Variants in TRUB1 observed in about 807,000 individuals in gnomAD.
TRUB1 encodes the protein pseudouridylate synthase TRUB1.
Under a neutral mutation model 33.9 loss-of-function variants are expected in TRUB1, and 23 were observed. That is an observed-to-expected ratio of 0.68 (90% CI 0.49 to 0.96). TRUB1 has a LOEUF of 0.96. TRUB1 is among the 40% of genes least tolerant of loss of function. TRUB1 has a pLI of 0.00. For missense variants in TRUB1, 378 were observed against 422.2 expected (o/e 0.90, Z 0.92); for synonymous variants, 163 against 165.4 (o/e 0.99, Z 0.11).
At position 114,951,128 on chromosome 10, in the gene TRUB1, C is replaced by T; in HGVS notation, c.420C>T (p.Thr140=). 1.9e-6 allele frequency: 3 copies of T among 1,612,270 alleles called. No homozygotes were observed. Among genetic ancestry groups the T allele is most frequent in the Non-Finnish European group, 2.5e-6 (3 of 1,178,978 alleles). Residue 140 remains threonine (T), a synonymous_variant, in exon 3 of 8, where the codon ACC becomes ACT. Transcript: ENST00000298746. ...TTGGAAGCGGAACAAAAATGTTGAC[C>T]AGTATGTTGTCAGGGTCCAAGGTAA... is the stretch of plus-strand genomic sequence containing the variant. ...VGIGSGTKML[T]SMLSGSKRYT... is the part of the protein sequence containing the mutation.
In TRUB1 at chr10:114,960,167, A is replaced by T. The variant is rs180951483; in HGVS notation, c.523+360A>T. 3.0e-4 allele frequency among the ~76,000 whole-genome samples: 45 copies of T among 152,246 alleles called. No homozygotes were observed. The East Asian group carries it at 6.4e-3, about 22-fold the overall frequency. The stretch of plus-strand genomic sequence containing the variant: ...TTCATCTGTCTTGCCATTAAAAAAA[A>T]ATATATTACCTGTCAGCTGTTGAAA... On this transcript the variant is annotated intron_variant, in intron 4 of 7. Transcript: ENST00000298746.
intron 3 of TRUB1, among the ~76,000 whole-genome samples, chr10:114,952,638 T>C (rs2084242297): frequency 6.6e-6 from 1 of 152,220 alleles, no homozygotes; most frequent in Non-Finnish European, 1.5e-5. Context: ...TGCCATTCAA[T>C]TGGAAGGAAT....
chr10:114,959,975 A>G (rs2084278470), intron 4 of TRUB1, 168 bp downstream of exon 4: 1 of 558,012 alleles, frequency 1.8e-6, no homozygotes, highest in East Asian at 3.0e-5. Flanking sequence ...CTTACTTGAT[A>G]GGAGTTTTTG....
intron 2 of TRUB1, among the ~76,000 whole-genome samples, chr10:114,949,460 T>C (rs922104972): frequency 1.3e-5 from 2 of 152,132 alleles, no homozygotes; most frequent in Non-Finnish European, 2.9e-5. Context: ...ATGAGTGTCA[T>C]AGAGGTTTTG....
chr10:114,944,675 TAAAC>T (rs930095260), intron 2 of TRUB1, among the ~76,000 whole-genome samples: 10 of 151,422 alleles, frequency 6.6e-5, no homozygotes, highest in East Asian at 3.9e-4. Flanking sequence ...AATAAATAAA[TAAAC>T]AAACATAAAA....
At position 114,951,215 on chromosome 10, in the gene TRUB1, T is replaced by C. The variant is rs1424431429; in HGVS notation, c.441+66T>C. The C allele has an allele frequency of 3.8e-6, 5 of 1,310,366 alleles. No individual in the cohort carries two copies. The East Asian group carries it at 9.4e-5, about 25-fold the overall frequency. 81.2% of individuals were successfully genotyped at this position (1,310,366 alleles called of 1,614,324 possible). A position where few individuals can be genotyped will look rare whatever the true frequency, so the allele number is the denominator to read the frequency against. On this transcript the variant is annotated intron_variant, in intron 3 of 7. Coordinates refer to ENST00000298746, the MANE Select transcript of TRUB1 (RefSeq NM_139169.5). Reference sequence around the variant, plus strand: ...TAATGATCTACATGTATTGGGTTTTTATCAAATAAAAAATAAACTGAGTAA... The same window carrying C: ...TAATGATCTACATGTATTGGGTTTTCATCAAATAAAAAATAAACTGAGTAA...
intron 1 of TRUB1, 68 bp from the exon 2 acceptor site, chr10:114,942,577 C>G: frequency 9.2e-7 from 1 of 1,083,522 alleles, no homozygotes; most frequent in Non-Finnish European, 1.4e-6. Context: ...CTTTTCCTCC[C>G]AAGTTTATGA....
chr10:114,960,825 G>A (rs997192628), intron 4 of TRUB1, among the ~76,000 whole-genome samples: 1 of 152,000 alleles, frequency 6.6e-6, no homozygotes, highest in African/African-American at 2.4e-5. Flanking sequence ...GATTAAGGAG[G>A]CATAGGGCAA....
chr10:114,972,070 C>G, intron 5 of TRUB1, 65 bp from the exon 6 acceptor site: 1 of 1,562,842 alleles, frequency 6.4e-7, no homozygotes, highest in Non-Finnish European at 8.7e-7. Context: ...ATCTCCCAAT[C>G]CTTCCAAATC....
intron 1 of TRUB1, among the ~76,000 whole-genome samples, chr10:114,941,834 G>C (rs2084188289): frequency 6.6e-6 from 1 of 151,940 alleles, no homozygotes. Context: ...GCCCAGGCTA[G>C]AGTGCAGTGG....
intron 1 of TRUB1, among the ~76,000 whole-genome samples, chr10:114,940,154 T>C (rs2084179933): frequency 6.6e-6 from 1 of 152,162 alleles, no homozygotes; most frequent in Non-Finnish European, 1.5e-5. Flanking sequence ...GGAGTTTCGC[T>C]GTTGTTGCCC....
intron 1 of TRUB1, among the ~76,000 whole-genome samples, chr10:114,940,382 A>G (rs2084181168): frequency 6.6e-6 from 1 of 152,156 alleles, no homozygotes; most frequent in Admixed American, 6.5e-5. Flanking sequence ...CAGCCTCCCA[A>G]AATGCTGGGA....
intron 4 of TRUB1, among the ~76,000 whole-genome samples, chr10:114,962,835 T>C (rs1055405629): frequency 1.3e-5 from 2 of 152,178 alleles, no homozygotes; most frequent in Non-Finnish European, 2.9e-5. Flanking sequence ...CAGAATGACA[T>C]ATATGACATA....
intron 3 of TRUB1, among the ~76,000 whole-genome samples, chr10:114,953,090 C>T (rs570746182): frequency 6.6e-6 from 1 of 152,232 alleles, no homozygotes; most frequent in East Asian, 1.9e-4. Context: ...ACCACAAACA[C>T]AGCACACTAT....
intron 1 of TRUB1, among the ~76,000 whole-genome samples, chr10:114,942,159 A>T (rs533122654): frequency 2.6e-5 from 4 of 152,292 alleles, no homozygotes; most frequent in African/African-American, 9.6e-5. Flanking sequence ...TTGGGAATTT[A>T]GTGTATTTAG....
chr10:114,958,225 T>C (rs1368369972), intron 3 of TRUB1, among the ~76,000 whole-genome samples: 1 of 152,234 alleles, frequency 6.6e-6, no homozygotes, highest in Non-Finnish European at 1.5e-5. Context: ...GTATGCTTAG[T>C]CGAGGTTGAT....
intron 3 of TRUB1, among the ~76,000 whole-genome samples, chr10:114,952,281 T>G (rs1480268760): frequency 6.6e-6 from 1 of 152,092 alleles, no homozygotes; most frequent in Non-Finnish European, 1.5e-5. Context: ...CTGTTAAAAA[T>G]ACCAAAAAAA....
chr10:114,973,360 G>A (rs538562974), intron 6 of TRUB1, among the ~76,000 whole-genome samples: 4 of 152,190 alleles, frequency 2.6e-5, no homozygotes, highest in African/African-American at 9.6e-5. Context: ...AGAGTGTAAC[G>A]GGCCAAAAGA....
rs1307781902 is a variant in TRUB1, at chr10:114,975,642, A to G, written c.*263A>G. The G allele has an allele frequency of 3.9e-6, 1 of 257,986 alleles. No individual in the cohort carries two copies. The highest frequency in any genetic ancestry group is 6.9e-5 in the East Asian group (1 of 14,500). The allele number at this position is 257,986 out of a possible 1,614,324, so 16.0% of individuals were successfully genotyped here. ...TGAAAATATGAATATGATTGGATTCAGAAAAATTAACTTTCTGAATTTGAT... is the reference window on the plus strand; with the variant it reads ...TGAAAATATGAATATGATTGGATTCGGAAAAATTAACTTTCTGAATTTGAT... On this transcript the variant is annotated 3_prime_UTR_variant, in exon 8 of 8. Transcript: ENST00000298746.
Sources: allele counts gnomAD v4.1 joint callset (sites outside exome capture counted in the v4.1 genomes callset), GRCh38; gene constraint gnomAD v4.1.1; transcripts MANE v1.5; gene names NCBI Gene and HGNC (gene_info 2026-07-23, HGNC 2026-07-21).